Variants in SCN1A observed in about 807,000 individuals in gnomAD.
SCN1A encodes sodium voltage-gated channel alpha subunit 1.
In SCN1A, 13 loss-of-function variants were observed where a neutral mutation model predicts 193.7. That is an observed-to-expected ratio of 0.07 (90% CI 0.04 to 0.11). SCN1A has a LOEUF of 0.11. Among genes scored for constraint, SCN1A ranks in the 10% least tolerant of loss-of-function variants. The probability of loss-of-function intolerance (pLI) is 1.00; values close to 1 mark genes in which losing one functional copy is unlikely to be tolerated. For missense variants in SCN1A, 1,432 were observed against 2,451.1 expected, an observed-to-expected ratio of 0.58 and a Z score of 8.78; for synonymous variants, 781 against 843.6, an observed-to-expected ratio of 0.93 and a Z score of 1.29.
At chr2:166,060,247 C>T (rs1683147454) in intron 4 of SCN1A, 1 of 152,166 alleles carries the variant, frequency 6.6e-6, no homozygotes, top group African/African-American at 2.4e-5. Context: ...TAGAGCTTTA[C>T]CACAAAGCGC....
chr2:166,105,735 C>G (rs1373973617), intron 2 of SCN1A, among the ~76,000 whole-genome samples: 1 of 151,988 alleles, frequency 6.6e-6, no homozygotes. Context: ...TCCATGAAGC[C>G]CATGAGAAGA....
At chr2:166,047,372 G>A (rs1697969745) in intron 11 of SCN1A, among the ~76,000 whole-genome samples, 1 of 152,108 alleles carries the variant, frequency 6.6e-6, no homozygotes, top group Non-Finnish European at 1.5e-5. Context: ...AAGGGAGAAT[G>A]TGCCTTCTGT....
intron 2 of SCN1A, among the ~76,000 whole-genome samples, chr2:166,092,087 T>C (rs1022296378): frequency 2.0e-4 from 31 of 152,174 alleles, no homozygotes; most frequent in Non-Finnish European, 4.1e-4. Flanking sequence ...AAGAATGTAA[T>C]ACCAAATTTT....
chr2:166,041,543 TA>T, intron 15 of SCN1A, 74 bp from the exon 16 acceptor site: 1 of 998,208 alleles, frequency 1.0e-6, no homozygotes, highest in South Asian at 1.4e-5. Flanking sequence ...TCATATCCAC[TA>T]AACTTATTTT....
intron 20 of SCN1A, among the ~76,000 whole-genome samples, chr2:166,014,443 T>C (rs138572330): frequency 5.3e-5 from 8 of 151,670 alleles, no homozygotes; most frequent in Admixed American, 3.3e-4. Context: ...TTCATTGCCT[T>C]CCTCACACAT....
At chr2:166,123,187 A>G (rs1014972392) in intron 2 of SCN1A, among the ~76,000 whole-genome samples, 2 of 150,064 alleles carry the variant, frequency 1.3e-5, no homozygotes, top group Non-Finnish European at 2.9e-5. Context: ...ATGTTTATCA[A>G]ATTATTTTGA....
intron 2 of SCN1A, among the ~76,000 whole-genome samples, chr2:166,083,464 A>G (rs943948040): frequency 2.6e-5 from 4 of 151,974 alleles, no homozygotes; most frequent in African/African-American, 9.7e-5. Context: ...AAATTCATTC[A>G]ATCTACATAC....
chr2:166,136,609 A>G (rs1292264525), intron 1 of SCN1A, among the ~76,000 whole-genome samples: 1 of 152,162 alleles, frequency 6.6e-6, no homozygotes, highest in East Asian at 1.9e-4. Context: ...TTGCTTTAAA[A>G]TTATACCTCA....
rs1013404726 is a variant in SCN1A at position 166,125,167 on chromosome 2, A to C, written c.-142+1757T>G. Among the ~76,000 whole-genome samples, 8 of 152,206 alleles carry C rather than the reference A, an allele frequency of 5.3e-5. No individual in the cohort carries two copies. In the East Asian group the frequency reaches 1.4e-3, roughly 26 times the overall value. On this transcript the variant is annotated intron_variant, in intron 2 of 28. Coordinates refer to ENST00000674923, the MANE Select transcript of SCN1A (RefSeq NM_001165963.4). ...ATGCTTCATTCACTAATTAGAATTT[A>C]AAAAGGAAGTGATAACCTCACGGAG...
chr2:165,998,261 A>AGAAG, intron 25 of SCN1A, 86 bp from the exon 26 acceptor site: 1 of 1,181,430 alleles, frequency 8.5e-7, no homozygotes. Context: ...CAATAGAAAA[A>AGAAG]ATTATTCTTA....
chr2:166,013,970 T>C (rs1387422715), intron 20 of SCN1A, 72 bp from the exon 21 acceptor site: 2 of 1,555,700 alleles, frequency 1.3e-6, no homozygotes, highest in African/African-American at 2.7e-5. Flanking sequence ...AATGTCCTTG[T>C]CTTGTCTTTT....
chr2:166,002,433 AAAC>A (rs779175809), intron 24 of SCN1A, 36 bp downstream of exon 24: 1 of 1,576,310 alleles, frequency 6.3e-7, no homozygotes, highest in Non-Finnish European at 8.7e-7. Context: ...TTATTATTCC[AAAC>A]AATAAAAATA....
intron 22 of SCN1A, among the ~76,000 whole-genome samples, chr2:166,010,411 T>C (rs1692272071): frequency 6.6e-6 from 1 of 151,224 alleles, no homozygotes; most frequent in Admixed American, 6.6e-5. Context: ...AGAAAGAAAT[T>C]CCATTACAAA....
intron 2 of SCN1A, among the ~76,000 whole-genome samples, chr2:166,120,311 T>C (rs141654776): frequency 0.015 from 2,305 of 151,722 alleles, 25 homozygotes; most frequent in Non-Finnish European, 0.022. Flanking sequence ...AAATCCTAAT[T>C]CTATAAACCA....
At chr2:166,121,641 G>T (rs531129054) in intron 2 of SCN1A, among the ~76,000 whole-genome samples, 24 of 152,240 alleles carry the variant, frequency 1.6e-4, no homozygotes, top group African/African-American at 5.5e-4. Flanking sequence ...TTATTATCCA[G>T]TAGGAGGAGG....
chr2:166,134,100 G>A (rs1230554515), intron 1 of SCN1A, among the ~76,000 whole-genome samples: 1 of 152,120 alleles, frequency 6.6e-6, no homozygotes, highest in East Asian at 1.9e-4. Context: ...AAAAAAGAAT[G>A]TCAATTTACA....
intron 3 of SCN1A, among the ~76,000 whole-genome samples, chr2:166,074,978 T>C (rs1684849619): frequency 6.6e-6 from 1 of 152,190 alleles, no homozygotes; most frequent in Non-Finnish European, 1.5e-5. Context: ...TTCTTAGAAC[T>C]TAACCTGCAG....
At chr2:166,107,410 A>G (rs1688813651) in intron 2 of SCN1A, among the ~76,000 whole-genome samples, 3 of 152,182 alleles carry the variant, frequency 2.0e-5, no homozygotes, top group Non-Finnish European at 2.9e-5. Flanking sequence ...TTGGAATAAC[A>G]ACACCTAAGA....
rs73030820 is a variant in SCN1A at position 166,137,175 on chromosome 2, A to G, written c.-50+11872T>C. ...TGGCAGTTGTGAAGGGCTGGTGGGAACTGGGGAAAATAACAATGTGTCTCA... is the reference window on the plus strand; with the variant it reads ...TGGCAGTTGTGAAGGGCTGGTGGGAGCTGGGGAAAATAACAATGTGTCTCA... On this transcript the variant is annotated intron_variant, in intron 1 of 26. Transcript: ENST00000635750. Among the ~76,000 whole-genome samples, 643 of 152,288 alleles carry G rather than the reference A, an allele frequency of 4.2e-3. 6 individuals carry two copies. Among genetic ancestry groups the G allele is most frequent in the African/African-American group, 0.015 (623 of 41,566 alleles).
Sources: gnomAD v4.1 joint callset for allele counts (sites outside exome capture counted in the v4.1 genomes callset) on GRCh38, gnomAD v4.1.1 for gene constraint, MANE v1.5 for transcripts, NCBI Gene and HGNC (gene_info 2026-07-23, HGNC 2026-07-21) for gene names.